SHBG: variants seen among roughly 807,000 people sequenced by gnomAD.
SHBG encodes sex hormone binding globulin.
SHBG carries 37 observed loss-of-function variants against 41.9 expected under a neutral mutation model. The ratio of observed to expected loss-of-function variants is 0.88; its 90% CI spans 0.68 to 1.16. The LOEUF (loss-of-function observed/expected upper bound fraction) is 1.16, where lower values mean the gene tolerates loss of function less well. Ranked by LOEUF, SHBG falls within the 50% of genes most tolerant of loss-of-function variation. The pLI is 0.00. For synonymous variants in SHBG, 217 were observed against 205.8 expected (o/e 1.05, Z -0.47); for missense variants, 466 against 499.9 (o/e 0.93, Z 0.65).
At chr17:7,622,303 C>T (rs2072112444) in intron 1 of SHBG, among the ~76,000 whole-genome samples, 1 of 148,552 alleles carries the variant, frequency 6.7e-6, no homozygotes, top group South Asian at 2.2e-4. Flanking sequence ...GAGGGAGTCT[C>T]ACTCTGTCAC....
upstream of SHBG, chr17:7,627,752 C>G: frequency 3.0e-4 from 234 of 771,300 alleles, no homozygotes; most frequent in Non-Finnish European, 4.7e-4. The surrounding 1 kb of genome is among the most constrained non-coding windows in gnomAD (Gnocchi z 4.8). Flanking sequence ...TGGCGGGAGT[C>G]GGGGGGGACG....
At chr17:7,616,739 C>T (rs2072000912) in intron 1 of SHBG, among the ~76,000 whole-genome samples, 1 of 151,932 alleles carries the variant, frequency 6.6e-6, no homozygotes, top group African/African-American at 2.4e-5. Context: ...AGTTCAAGAC[C>T]AGCCTGGCCA....
intron 1 of SHBG, among the ~76,000 whole-genome samples, chr17:7,620,638 G>A (rs934481170): frequency 2.7e-5 from 4 of 147,380 alleles, no homozygotes; most frequent in Non-Finnish European, 4.5e-5. Context: ...TTTTTTTTTT[G>A]TTTTTTTGGG....
At chr17:7,624,524 A>C (rs548614093), upstream of SHBG, among the ~76,000 whole-genome samples, 3 of 152,030 alleles carry the variant, frequency 2.0e-5, no homozygotes, top group Admixed American at 2.0e-4. Context: ...ATAAGGATGA[A>C]CCACTGCACC....
upstream of SHBG, chr17:7,626,360 A>G (rs1225955230): frequency 6.8e-7 from 1 of 1,477,368 alleles, no homozygotes; most frequent in East Asian, 2.3e-5. Context: ...AGGCCTCAGC[A>G]TCAGTGTCTG....
upstream of SHBG, among the ~76,000 whole-genome samples, chr17:7,623,168 A>C (rs919127740): frequency 6.6e-6 from 1 of 152,198 alleles, no homozygotes; most frequent in Non-Finnish European, 1.5e-5. Flanking sequence ...CGAGGTGGGC[A>C]GATCACCTGA....
At chr17:7,627,364 T>G, upstream of SHBG, 2 of 1,614,166 alleles carry the variant, frequency 1.2e-6, no homozygotes, top group Non-Finnish European at 1.7e-6. The surrounding 1 kb of genome is among the most constrained non-coding windows in gnomAD (Gnocchi z 4.8). Flanking sequence ...AGCCCCCACC[T>G]TCTTCACTGA....
At chr17:7,627,492 T>TC (rs1678597793), upstream of SHBG, 2 of 1,326,020 alleles carry the variant, frequency 1.5e-6, no homozygotes, top group Admixed American at 3.4e-5. The surrounding 1 kb of genome is among the most constrained non-coding windows in gnomAD (Gnocchi z 4.8). Context: ...GGCGAGCCCC[T>TC]CCCCCTGCCC....
chr17:7,623,371 C>G (rs1215983768), upstream of SHBG, among the ~76,000 whole-genome samples: 4 of 152,210 alleles, frequency 2.6e-5, no homozygotes, highest in Admixed American at 6.6e-5. Flanking sequence ...ACCTGGGCAA[C>G]AAGAGTGAAA....
chr17:7,631,599 C>A lies in SHBG; in HGVS notation c.566C>A (p.Ala189Asp). The change falls in exon 5 of 8, where the codon GCC (alanine) becomes GAC (aspartate). Residue 189 changes from alanine (A) to aspartate (D), a missense_variant. Ala to Asp is a moderately radical substitution (Grantham distance 126). Coordinates refer to ENST00000380450, the MANE Select transcript of SHBG (RefSeq NM_001040.5). ...TCTGTCACACTCCAGCTGGTTCCTG[C>A]CCTGGATGGCTGCCTGCGCCGGGAT... ...ASNLRLPLVPALDGCLRRDSW... is the reference protein window; with the variant it reads ...ASNLRLPLVPDLDGCLRRDSW... 6.2e-7 allele frequency: 1 copy of A among 1,614,114 alleles called. No homozygotes were observed. Among genetic ancestry groups the A allele is most frequent in the Non-Finnish European group, 8.5e-7 (1 of 1,180,024 alleles).
upstream of SHBG, among the ~76,000 whole-genome samples, chr17:7,623,562 C>T (rs560981749): frequency 5.3e-5 from 8 of 152,240 alleles, no homozygotes; most frequent in South Asian, 8.3e-4. Context: ...AGGCTCAAGC[C>T]GTCCTCCCAT....
intron 4 of SHBG, 86 bp from the exon 5 acceptor site, chr17:7,631,503 G>T: frequency 1.9e-6 from 3 of 1,557,644 alleles, no homozygotes; most frequent in Non-Finnish European, 8.8e-7. Flanking sequence ...GCTCAGAGGG[G>T]AGTCAACTGA....
upstream of SHBG, chr17:7,627,519 C>T (rs540060129): frequency 4.0e-5 from 64 of 1,601,222 alleles, 1 homozygote; most frequent in South Asian, 6.7e-4. The surrounding 1 kb of genome is among the most constrained non-coding windows in gnomAD (Gnocchi z 4.8). Flanking sequence ...CCTACGACCC[C>T]GCTCTGGCCG....
At chr17:7,627,371 C>T, upstream of SHBG, 1 of 1,614,186 alleles carries the variant, frequency 6.2e-7, no homozygotes, top group Non-Finnish European at 8.5e-7. The surrounding 1 kb of genome is among the most constrained non-coding windows in gnomAD (Gnocchi z 4.8). Flanking sequence ...ACCTTCTTCA[C>T]TGATCTTCAC....
chr17:7,623,019 A>G (rs1047158667), upstream of SHBG, among the ~76,000 whole-genome samples: 1 of 150,144 alleles, frequency 6.7e-6, no homozygotes, highest in Non-Finnish European at 1.5e-5. Flanking sequence ...CCTAGGCGAA[A>G]GAGCGAGACT....
upstream of SHBG, among the ~76,000 whole-genome samples, chr17:7,624,713 A>G (rs1011103780): frequency 6.6e-6 from 1 of 151,702 alleles, no homozygotes; most frequent in Admixed American, 6.6e-5. Context: ...GTCCAGTGGC[A>G]TGATCTCGGC....
upstream of SHBG, among the ~76,000 whole-genome samples, chr17:7,629,703 C>G (rs2072336961): frequency 6.6e-6 from 1 of 152,134 alleles, no homozygotes; most frequent in Non-Finnish European, 1.5e-5. Context: ...GACACTGAAG[C>G]ACAGAGGTGA....
At position 7,633,354 on chromosome 17, in the gene SHBG, G is replaced by C; in HGVS notation, c.*2G>C. ...AATGGCACTGACGCTTCCCATTAAA[G>C]CTCCACCTAAGAACCCCCTTTGAAA... On this transcript the variant is annotated 3_prime_UTR_variant, in exon 8 of 8. Transcript: ENST00000380450. The C allele has an allele frequency of 6.2e-7, 1 of 1,613,442 alleles. No individual in the cohort carries two copies. Among genetic ancestry groups the C allele is most frequent in the South Asian group, 1.1e-5 (1 of 90,976 alleles).
chr17:7,622,448 T>C (rs539457737), intron 1 of SHBG, among the ~76,000 whole-genome samples: 2 of 151,608 alleles, frequency 1.3e-5, no homozygotes, highest in South Asian at 4.2e-4. Context: ...AATTTTTGTA[T>C]TTTTAGTAGA....
Sources: allele counts gnomAD v4.1 joint callset (sites outside exome capture counted in the v4.1 genomes callset), GRCh38; gene constraint gnomAD v4.1.1; non-coding constraint Gnocchi (gnomAD v3.1); transcripts MANE v1.5; gene names NCBI Gene and HGNC (gene_info 2026-07-23, HGNC 2026-07-21).